SEZ6L: variants seen among roughly 807,000 people sequenced by gnomAD.
SEZ6L encodes the protein seizure 6-like protein.
In SEZ6L, 37 loss-of-function variants were observed where a neutral mutation model predicts 106.2. The observed-to-expected ratio is 0.35, with a 90% CI of 0.27 to 0.46. SEZ6L has a LOEUF of 0.46. SEZ6L is among the 20% of genes least tolerant of loss of function. The pLI is 1.00. For synonymous variants in SEZ6L, 541 were observed against 570.4 expected, an observed-to-expected ratio of 0.95 and a Z score of 0.73; for missense variants, 1,172 against 1,332.8, an observed-to-expected ratio of 0.88 and a Z score of 1.88.
chr22:26,243,891 G>A (rs2079228852), intron 1 of SEZ6L, among the ~76,000 whole-genome samples: 1 of 152,010 alleles, frequency 6.6e-6, no homozygotes, highest in African/African-American at 2.4e-5. Context: ...GACCTGGCGT[G>A]GTGGCTCACA....
chr22:26,171,847 T>C (rs141580440), intron 1 of SEZ6L, among the ~76,000 whole-genome samples: 1 of 152,212 alleles, frequency 6.6e-6, no homozygotes, highest in East Asian at 1.9e-4. Context: ...TTGGAGACAA[T>C]TGACCTTCCA....
chr22:26,218,996 C>A (rs1392459609), intron 1 of SEZ6L, among the ~76,000 whole-genome samples: 1 of 152,080 alleles, frequency 6.6e-6, no homozygotes, highest in South Asian at 2.1e-4. Flanking sequence ...GTAAGCAAAG[C>A]ACCTGGTCCC....
At chr22:26,279,114 C>T (rs1413783012) in intron 1 of SEZ6L, among the ~76,000 whole-genome samples, 1 of 152,208 alleles carries the variant, frequency 6.6e-6, no homozygotes, top group African/African-American at 2.4e-5. Flanking sequence ...GAAAGTTAGG[C>T]ATTCCCCTTG....
chr22:26,347,940 T>C (rs2083065568), intron 11 of SEZ6L, 27 bp downstream of exon 11: 1 of 1,523,484 alleles, frequency 6.6e-7, no homozygotes, highest in Non-Finnish European at 8.8e-7. Context: ...TTCCTTCCTC[T>C]AGGTCCCTGG....
chr22:26,223,240 T>C (rs767855336), intron 1 of SEZ6L, among the ~76,000 whole-genome samples: 1 of 152,192 alleles, frequency 6.6e-6, no homozygotes, highest in Non-Finnish European at 1.5e-5. Flanking sequence ...AGGTTCTATG[T>C]GAACCAAGTC....
chr22:26,211,600 A>C (rs1248766949), intron 1 of SEZ6L, among the ~76,000 whole-genome samples: 8 of 152,116 alleles, frequency 5.3e-5, no homozygotes, highest in Non-Finnish European at 1.2e-4. Context: ...GCCAATAGAA[A>C]TCAAGAAAGT....
intron 1 of SEZ6L, among the ~76,000 whole-genome samples, chr22:26,252,208 G>A (rs912325688): frequency 6.6e-6 from 1 of 151,960 alleles, no homozygotes; most frequent in Admixed American, 6.5e-5. Flanking sequence ...ACTAGAGAAT[G>A]AAAAAAGGAA....
intron 12 of SEZ6L, among the ~76,000 whole-genome samples, chr22:26,358,173 T>C (rs2083498496): frequency 2.0e-5 from 3 of 152,194 alleles, no homozygotes; most frequent in Admixed American, 2.0e-4. Flanking sequence ...TCTCTGTCTC[T>C]GGGAAAGCGG....
intron 1 of SEZ6L, among the ~76,000 whole-genome samples, chr22:26,214,393 G>A (rs569693202): frequency 2.0e-5 from 3 of 152,238 alleles, no homozygotes; most frequent in South Asian, 2.1e-4. Flanking sequence ...ACCAATAAAC[G>A]TCAGCTATTC....
intron 6 of SEZ6L, among the ~76,000 whole-genome samples, chr22:26,307,478 T>TAAAAAAAA (rs34235682): frequency 6.9e-6 from 1 of 145,378 alleles, no homozygotes. Context: ...TGGAAAGACT[T>TAAAAAAAA]AAAAAAAAAA....
chr22:26,216,312 C>G (rs1233192090), intron 1 of SEZ6L, among the ~76,000 whole-genome samples: 3 of 152,156 alleles, frequency 2.0e-5, no homozygotes, highest in Non-Finnish European at 4.4e-5. Context: ...CCTAAGGGGA[C>G]AGCTGACCTG....
At chr22:26,212,584 G>A (rs780965344) in intron 1 of SEZ6L, among the ~76,000 whole-genome samples, 4 of 152,012 alleles carry the variant, frequency 2.6e-5, no homozygotes, top group Non-Finnish European at 5.9e-5. Flanking sequence ...CACCATGCCC[G>A]CCCAATTTTT....
chr22:26,244,969 A>G (rs145672226), intron 1 of SEZ6L, among the ~76,000 whole-genome samples: 126 of 152,312 alleles, frequency 8.3e-4, no homozygotes, highest in Middle Eastern at 3.4e-3. Flanking sequence ...TGAGCAGGGA[A>G]ATGACATGAT....
intron 1 of SEZ6L, among the ~76,000 whole-genome samples, chr22:26,209,888 GGA>G (rs1243131877): frequency 6.8e-6 from 1 of 147,118 alleles, no homozygotes; most frequent in East Asian, 2.2e-4. Flanking sequence ...AGGAAAGAAG[GGA>G]GAGAGGAAGG....
chr22:26,179,638 A>G (rs1002479315), intron 1 of SEZ6L, among the ~76,000 whole-genome samples: 3 of 152,208 alleles, frequency 2.0e-5, no homozygotes, highest in African/African-American at 7.2e-5. Context: ...ACAAAGACTC[A>G]TTCAGGATAG....
At position 26,292,684 on chromosome 22, in the gene SEZ6L, G is replaced by A. The variant is rs545994093; in HGVS notation, c.373G>A (p.Val125Met). Residue 125 changes from valine to methionine, a missense_variant, in exon 2 of 17, where the codon GTG (valine) becomes ATG (methionine). Physicochemically the swap from Val to Met is conservative, Grantham distance 21 (BLOSUM62 1). Transcript: ENST00000248933. ...GAAGAAACTGCCTTCGCTCAAGCAGGTGAACTCTGCCAGGAAGCAGCTGAG... is the reference window on the plus strand; with the variant it reads ...GAAGAAACTGCCTTCGCTCAAGCAGATGAACTCTGCCAGGAAGCAGCTGAG... ...PKKKLPSLKQ[V>M]NSARKQLRPK... is the part of the protein sequence containing the mutation. The A allele has an allele frequency of 3.0e-5, 48 of 1,613,500 alleles. No homozygotes were observed. In the African/African-American group the frequency reaches 5.5e-4, roughly 18 times the overall value.
At position 26,328,238 on chromosome 22, in the gene SEZ6L, G is replaced by C. The variant is rs571044375; in HGVS notation, c.2016-12198G>C. Among the ~76,000 whole-genome samples the C allele has an allele frequency of 2.6e-4, 40 of 152,332 alleles. 1 individual carries two copies. In the South Asian group the frequency reaches 4.4e-3, roughly 17 times the overall value. The stretch of plus-strand genomic sequence containing the variant: ...GGCAGCATAAGTGCCCTTTACTGAG[G>C]TCTCGTCACACCAGGATTTGTTGCC... On this transcript the variant is annotated intron_variant, in intron 9 of 16. Coordinates refer to ENST00000248933, the MANE Select transcript of SEZ6L (RefSeq NM_021115.5).
intron 1 of SEZ6L, among the ~76,000 whole-genome samples, chr22:26,227,594 T>G (rs2145737293): frequency 6.6e-6 from 1 of 151,696 alleles, no homozygotes; most frequent in Admixed American, 6.6e-5. Context: ...TTTTTTTTTT[T>G]TTTTTGTAGA....
intron 8 of SEZ6L, among the ~76,000 whole-genome samples, chr22:26,312,657 G>A (rs1477930795): frequency 8.5e-5 from 13 of 152,144 alleles, no homozygotes; most frequent in Admixed American, 7.9e-4. Context: ...TGCAGCCTCC[G>A]CTTCCCGGGT....
Sources: gnomAD v4.1 joint callset for allele counts (sites outside exome capture counted in the v4.1 genomes callset) on GRCh38, gnomAD v4.1.1 for gene constraint, MANE v1.5 for transcripts, NCBI Gene and HGNC (gene_info 2026-07-23, HGNC 2026-07-21) for gene names.